Variants in TENM4 observed in about 807,000 individuals in gnomAD.
TENM4 encodes teneurin-4.
In TENM4, 82 loss-of-function variants were observed where a neutral mutation model predicts 243.3. The observed-to-expected ratio is 0.34, with a 90% CI of 0.28 to 0.40. TENM4 has a LOEUF of 0.40. Among genes scored for constraint, TENM4 ranks in the 10% least tolerant of loss-of-function variants. TENM4 has a pLI of 1.00. For synonymous variants in TENM4, 1,412 were observed against 1,456.3 expected, an observed-to-expected ratio of 0.97 and a Z score of 0.69; for missense variants, 3,138 against 3,673.3, an observed-to-expected ratio of 0.85 and a Z score of 3.77.
intron 4 of TENM4, among the ~76,000 whole-genome samples, chr11:79,121,253 T>C (rs1411687447): frequency 6.6e-6 from 1 of 152,162 alleles, no homozygotes; most frequent in Non-Finnish European, 1.5e-5. Flanking sequence ...GTTTTCTTGT[T>C]TACATAGGCC....
At chr11:79,077,722 G>C (rs1018823171) in intron 4 of TENM4, among the ~76,000 whole-genome samples, 4 of 152,118 alleles carry the variant, frequency 2.6e-5, no homozygotes, top group Non-Finnish European at 4.4e-5. Context: ...AGGGAAAGAG[G>C]TTGGAGAGAA....
rs749041202 is a variant in TENM4 at position 78,811,569 on chromosome 11, AACAC to A, written c.1978+549_1978+552del. Among the ~76,000 whole-genome samples, 184 of 65,114 alleles carry A rather than the reference AACAC, an allele frequency of 2.8e-3. 1 individual carries two copies. The highest frequency in any genetic ancestry group is 0.011 in the Admixed American group (104 of 9,260). The allele number at this position is 65,114 out of a possible 152,430, so 42.7% of individuals were successfully genotyped here. Reference sequence around the variant, plus strand: ...TGGGCACTGCAGAGCCATACACATGAACACACACACACACACACACACACACACA... The same window carrying A: ...TGGGCACTGCAGAGCCATACACATGAACACACACACACACACACACACACA... On this transcript the variant is annotated intron_variant, in intron 14 of 33. Coordinates refer to ENST00000278550, the MANE Select transcript of TENM4 (RefSeq NM_001098816.3).
intron 4 of TENM4, among the ~76,000 whole-genome samples, chr11:79,095,564 C>T (rs867737174): frequency 1.3e-5 from 2 of 152,270 alleles, no homozygotes; most frequent in East Asian, 1.9e-4. Context: ...ACATCCAGGC[C>T]GGCAACCTGC....
chr11:78,886,954 T>C (rs917024241), intron 9 of TENM4, among the ~76,000 whole-genome samples: 1 of 152,206 alleles, frequency 6.6e-6, no homozygotes, highest in African/African-American at 2.4e-5. Context: ...ATTGAAGCGA[T>C]CAGCTTTTCC....
intron 22 of TENM4, among the ~76,000 whole-genome samples, chr11:78,727,525 T>C (rs1346366736): frequency 2.0e-5 from 3 of 152,194 alleles, no homozygotes; most frequent in Non-Finnish European, 4.4e-5. Context: ...TTTTTGTCCA[T>C]TTTTCAAATT....
Position 78,778,468 on chromosome 11 carries a change from C to G in TENM4, c.2392+134G>C, listed in dbSNP as rs543210240. ...TTGGGCAATGGATGCTGCGACAAAA[C>G]TGGGGATGCATTAGCTTCCAGACAT... On this transcript the variant is annotated intron_variant, in intron 17 of 33. Transcript: ENST00000278550. The G allele has an allele frequency of 5.1e-5, 49 of 963,500 alleles. No individual in the cohort carries two copies. The South Asian group carries it at 8.1e-4, about 16-fold the overall frequency. 59.7% of individuals were successfully genotyped at this position (963,500 alleles called of 1,614,324 possible).
intron 17 of TENM4, 72 bp downstream of exon 17, chr11:78,778,530 A>G: frequency 1.3e-6 from 2 of 1,489,062 alleles, no homozygotes; most frequent in Non-Finnish European, 9.2e-7. Flanking sequence ...TTATATACAC[A>G]TTTCTTCTTT....
intron 6 of TENM4, among the ~76,000 whole-genome samples, chr11:79,010,596 A>G (rs572640684): frequency 3.3e-5 from 5 of 152,270 alleles, no homozygotes; most frequent in Middle Eastern, 3.4e-3. Flanking sequence ...AGCAAGTCAC[A>G]TCTTACATGG....
At chr11:78,904,948 G>A (rs1439544883) in intron 6 of TENM4, among the ~76,000 whole-genome samples, 1 of 152,184 alleles carries the variant, frequency 6.6e-6, no homozygotes, top group African/African-American at 2.4e-5. Flanking sequence ...TATGCGGGTG[G>A]TGAAGAGGCC....
At chr11:79,141,058 G>A (rs1401967114) in intron 4 of TENM4, among the ~76,000 whole-genome samples, 9 of 152,044 alleles carry the variant, frequency 5.9e-5, no homozygotes, top group Admixed American at 1.3e-4. Flanking sequence ...TACCATTCAA[G>A]GCAGTGAAAA....
At chr11:78,889,719 C>A in intron 9 of TENM4, 66 bp downstream of exon 9, 1 of 1,490,518 alleles carries the variant, frequency 6.7e-7, no homozygotes, top group Non-Finnish European at 9.1e-7. Context: ...AGTGCCCACA[C>A]GTGTCTTGGT....
chr11:79,432,470 C>T (rs895707326), intron 1 of TENM4, among the ~76,000 whole-genome samples: 1 of 152,228 alleles, frequency 6.6e-6, no homozygotes, highest in Non-Finnish European at 1.5e-5. Context: ...TTCTCTGACT[C>T]ACCCTGAACT....
chr11:78,825,365 C>T (rs948601171), intron 12 of TENM4, among the ~76,000 whole-genome samples: 1 of 152,204 alleles, frequency 6.6e-6, no homozygotes. Context: ...TATTAGTTTA[C>T]TCCTGTATAA....
chr11:79,001,756 G>A (rs1166087439), intron 6 of TENM4, among the ~76,000 whole-genome samples: 1 of 152,148 alleles, frequency 6.6e-6, no homozygotes, highest in Non-Finnish European at 1.5e-5. Flanking sequence ...CCTCTCCTGG[G>A]ACCCGAGTTT....
At chr11:79,298,142 G>A (rs983974770) in intron 1 of TENM4, among the ~76,000 whole-genome samples, 4 of 152,066 alleles carry the variant, frequency 2.6e-5, no homozygotes, top group African/African-American at 9.7e-5. Context: ...TGTGTGGTCA[G>A]GTCTCTGACA....
chr11:78,785,507 T>C (rs573373280), intron 16 of TENM4, among the ~76,000 whole-genome samples: 13 of 152,300 alleles, frequency 8.5e-5, no homozygotes, highest in African/African-American at 2.9e-4. Context: ...GTCAAATTCC[T>C]GCTCTACCTC....
chr11:78,973,521 A>T (rs1239419783), intron 6 of TENM4, among the ~76,000 whole-genome samples: 1 of 151,942 alleles, frequency 6.6e-6, no homozygotes, highest in East Asian at 1.9e-4. Context: ...TTTTAACTTG[A>T]TTTATCTTTT....
chr11:79,111,727 C>T (rs781527274), intron 4 of TENM4, among the ~76,000 whole-genome samples: 5 of 152,102 alleles, frequency 3.3e-5, no homozygotes, highest in Admixed American at 1.3e-4. Context: ...GGCCTGCCCT[C>T]GGGAGCCCAC....
intron 21 of TENM4, among the ~76,000 whole-genome samples, chr11:78,731,395 C>T (rs1442206130): frequency 2.0e-5 from 3 of 152,210 alleles, no homozygotes; most frequent in Non-Finnish European, 4.4e-5. Flanking sequence ...TGGCTGGCAT[C>T]GGAAGCCACT....
Sources: allele counts gnomAD v4.1 joint callset (sites outside exome capture counted in the v4.1 genomes callset), GRCh38; gene constraint gnomAD v4.1.1; transcripts MANE v1.5; gene names NCBI Gene and HGNC (gene_info 2026-07-23, HGNC 2026-07-21).